FAF1: variants seen among roughly 807,000 people sequenced by gnomAD.
FAF1 encodes the protein FAS-associated factor 1.
Under a neutral mutation model 92.5 loss-of-function variants are expected in FAF1, and 25 were observed. That is an observed-to-expected ratio of 0.27 (90% CI 0.20 to 0.38). FAF1 has a LOEUF of 0.38. Among genes scored for constraint, FAF1 ranks in the 10% least tolerant of loss-of-function variants. FAF1 has a pLI of 1.00. For synonymous variants in FAF1, 234 were observed against 273.2 expected, an observed-to-expected ratio of 0.86 and a Z score of 1.42; for missense variants, 636 against 793.3, an observed-to-expected ratio of 0.80 and a Z score of 2.38.
chr1:50,466,831 G>T (rs774568271), intron 18 of FAF1, among the ~76,000 whole-genome samples: 4 of 152,080 alleles, frequency 2.6e-5, no homozygotes, highest in Non-Finnish European at 4.4e-5. Context: ...AGCCAGTCTG[G>T]TCTACACTCT....
chr1:50,729,664 C>A (rs1004535064), intron 6 of FAF1, among the ~76,000 whole-genome samples: 3 of 151,668 alleles, frequency 2.0e-5, no homozygotes, highest in African/African-American at 4.8e-5. Context: ...GCGTTGGCCT[C>A]CCAAAGTGCT....
At chr1:50,791,593 T>C (rs534087618) in intron 3 of FAF1, among the ~76,000 whole-genome samples, 1 of 152,308 alleles carries the variant, frequency 6.6e-6, no homozygotes, top group South Asian at 2.1e-4. Context: ...AGCATTCTTA[T>C]AACCAGCTTC....
At chr1:50,651,931 T>C (rs1192818518) in intron 8 of FAF1, among the ~76,000 whole-genome samples, 2 of 152,240 alleles carry the variant, frequency 1.3e-5, no homozygotes, top group African/African-American at 2.4e-5. Flanking sequence ...ATACTAGTTA[T>C]AAGCCATTTT....
chr1:50,473,500 A>G (rs1646601516), intron 18 of FAF1, among the ~76,000 whole-genome samples: 1 of 152,182 alleles, frequency 6.6e-6, no homozygotes, highest in South Asian at 2.1e-4. Context: ...TCATCACAGA[A>G]CATAAAGTAT....
At chr1:50,786,992 TC>T (rs1661387547) in intron 4 of FAF1, among the ~76,000 whole-genome samples, 1 of 152,122 alleles carries the variant, frequency 6.6e-6, no homozygotes, top group Non-Finnish European at 1.5e-5. Context: ...TACAAGGATC[TC>T]CCCTAAAAGG....
intron 18 of FAF1, among the ~76,000 whole-genome samples, chr1:50,447,121 CTTTT>C (rs61612294): frequency 8.9e-6 from 1 of 112,854 alleles, no homozygotes; most frequent in Non-Finnish European, 1.8e-5. Context: ...CATATTCCTG[CTTTT>C]TTTTTTTTTT....
chr1:50,657,620 T>C (rs1655184214), intron 7 of FAF1, among the ~76,000 whole-genome samples: 1 of 152,220 alleles, frequency 6.6e-6, no homozygotes, highest in African/African-American at 2.4e-5. Flanking sequence ...GCATCATGCA[T>C]TTATGTTTTA....
At chr1:50,677,988 G>C (rs1247180958) in intron 7 of FAF1, among the ~76,000 whole-genome samples, 3 of 151,802 alleles carry the variant, frequency 2.0e-5, no homozygotes, top group African/African-American at 7.3e-5. Context: ...AAAATGGTGA[G>C]TTTTGTGAGA....
At chr1:50,500,129 A>G (rs1646965617) in intron 15 of FAF1, among the ~76,000 whole-genome samples, 1 of 152,136 alleles carries the variant, frequency 6.6e-6, no homozygotes, top group Admixed American at 6.6e-5. Flanking sequence ...CAATCAAAAT[A>G]CCACCAAAAA....
chr1:50,620,624 C>G (rs956085896), intron 8 of FAF1, among the ~76,000 whole-genome samples: 1 of 152,208 alleles, frequency 6.6e-6, no homozygotes, highest in Non-Finnish European at 1.5e-5. Flanking sequence ...TAAGGGGACA[C>G]TGGCTTTTTC....
At chr1:50,473,319 T>C (rs1295696851) in intron 18 of FAF1, among the ~76,000 whole-genome samples, 1 of 152,192 alleles carries the variant, frequency 6.6e-6, no homozygotes. Context: ...TAAAAATTAA[T>C]TTGAAAGAAA....
intron 8 of FAF1, among the ~76,000 whole-genome samples, chr1:50,619,490 T>C (rs1242047217): frequency 6.6e-6 from 1 of 152,232 alleles, no homozygotes; most frequent in African/African-American, 2.4e-5. Context: ...CCTTCACTTA[T>C]AAAGCTTAGT....
In FAF1 at chr1:50,437,051, A is replaced by G. The variant is rs1053339821; in HGVS notation, c.*4389T>C. On this transcript the variant is annotated 3_prime_UTR_variant, in exon 19 of 19. Transcript: ENST00000396153. ...ACTGGAGATCATGTCTCTTTTATTA[A>G]TATTTTCTTTCAGACCAAACTTTCA... 1 of 152,206 alleles carries G rather than the reference A, an allele frequency of 6.6e-6. No homozygotes were observed. The highest frequency in any genetic ancestry group is 2.4e-5 in the African/African-American group (1 of 41,462). The allele number at this position is 152,206 out of a possible 1,614,324, so 9.4% of individuals were successfully genotyped here.
chr1:50,625,699 C>T (rs982573427), intron 8 of FAF1, among the ~76,000 whole-genome samples: 11 of 151,866 alleles, frequency 7.2e-5, no homozygotes, highest in African/African-American at 1.5e-4. Context: ...TGGTTGGAGG[C>T]CAGGTAAGGC....
intron 8 of FAF1, among the ~76,000 whole-genome samples, chr1:50,643,990 A>G (rs1403582432): frequency 1.3e-5 from 2 of 152,168 alleles, no homozygotes; most frequent in Non-Finnish European, 2.9e-5. Flanking sequence ...AGCATTTATA[A>G]AAGCTACTTT....
intron 7 of FAF1, among the ~76,000 whole-genome samples, chr1:50,701,069 A>G (rs1424906134): frequency 1.3e-5 from 2 of 152,156 alleles, no homozygotes; most frequent in African/African-American, 4.8e-5. Context: ...TAAAAGATGC[A>G]TAATCGTCTT....
chr1:50,719,723 T>C (rs1412738200), intron 6 of FAF1, among the ~76,000 whole-genome samples: 1 of 152,220 alleles, frequency 6.6e-6, no homozygotes, highest in Non-Finnish European at 1.5e-5. Context: ...TATAGACATA[T>C]CAATTTTTGT....
At chr1:50,902,541 A>G (rs1400249143) in intron 1 of FAF1, among the ~76,000 whole-genome samples, 2 of 152,200 alleles carry the variant, frequency 1.3e-5, no homozygotes, top group Non-Finnish European at 1.5e-5. Flanking sequence ...TATTTTGGAC[A>G]TGTACTGCCC....
chr1:50,712,563 T>A (rs1171754550), intron 6 of FAF1, among the ~76,000 whole-genome samples: 1 of 151,808 alleles, frequency 6.6e-6, no homozygotes, highest in African/African-American at 2.4e-5. Flanking sequence ...GGCTGAGGTA[T>A]GAGAATTGCT....
Sources: gnomAD v4.1 joint callset for allele counts (sites outside exome capture counted in the v4.1 genomes callset) on GRCh38, gnomAD v4.1.1 for gene constraint, MANE v1.5 for transcripts, NCBI Gene and HGNC (gene_info 2026-07-23, HGNC 2026-07-21) for gene names.